Variants in ARHGAP25 observed in about 807,000 individuals in gnomAD.
ARHGAP25 encodes the protein Rho GTPase activating protein 25.
ARHGAP25 carries 34 observed loss-of-function variants against 71.0 expected under a neutral mutation model. The observed-to-expected ratio is 0.48, with a 90% CI of 0.36 to 0.64. ARHGAP25 has a LOEUF of 0.64. Among genes scored for constraint, ARHGAP25 ranks in the 30% least tolerant of loss-of-function variants. The pLI is 0.00. For missense variants in ARHGAP25, 706 were observed against 805.1 expected (o/e 0.88, Z 1.49); for synonymous variants, 282 against 296.5 (o/e 0.95, Z 0.50).
intron 1 of ARHGAP25, among the ~76,000 whole-genome samples, chr2:68,750,920 A>G (rs1350114888): frequency 1.3e-5 from 2 of 152,202 alleles, no homozygotes; most frequent in Non-Finnish European, 2.9e-5. Context: ...AGGAGGCACT[A>G]ATAATAGTTA....
At chr2:68,726,254 G>C (rs1314417643) in intron 2 of ARHGAP25, among the ~76,000 whole-genome samples, 1 of 152,216 alleles carries the variant, frequency 6.6e-6, no homozygotes, top group African/African-American at 2.4e-5. Context: ...GAATGAATGA[G>C]TGGCAGGAGG....
At chr2:68,802,427 A>G (rs936831459) in intron 4 of ARHGAP25, among the ~76,000 whole-genome samples, 1 of 151,614 alleles carries the variant, frequency 6.6e-6, no homozygotes, top group African/African-American at 2.4e-5. Context: ...AAAAAAAAAA[A>G]AAGAATGTGC....
chr2:68,728,756 GTAAA>G (rs1041791639), intron 2 of ARHGAP25, among the ~76,000 whole-genome samples: 20 of 151,870 alleles, frequency 1.3e-4, no homozygotes, highest in African/African-American at 3.6e-4. Flanking sequence ...GTAAACATAA[GTAAA>G]TAAATAAATA....
intron 5 of ARHGAP25, among the ~76,000 whole-genome samples, chr2:68,809,642 TTTTCTG>T (rs1451643735): frequency 2.0e-5 from 3 of 151,952 alleles, no homozygotes; most frequent in African/African-American, 7.3e-5. Flanking sequence ...GGTTGTAGCT[TTTTCTG>T]CCTCCTATAA....
chr2:68,742,923 T>C (rs1271242647), intron 1 of ARHGAP25, among the ~76,000 whole-genome samples: 1 of 152,236 alleles, frequency 6.6e-6, no homozygotes, highest in Admixed American at 6.5e-5. Flanking sequence ...ATGAATTGTG[T>C]CAATTTTGTC....
chr2:68,799,672 T>G (rs1286925430), intron 4 of ARHGAP25, among the ~76,000 whole-genome samples: 1 of 152,180 alleles, frequency 6.6e-6, no homozygotes, highest in Non-Finnish European at 1.5e-5. Context: ...TTGCGGTCCT[T>G]GACAGCTTTA....
chr2:68,817,386 A>T (rs997724941), intron 7 of ARHGAP25, among the ~76,000 whole-genome samples: 2 of 152,198 alleles, frequency 1.3e-5, no homozygotes, highest in Non-Finnish European at 2.9e-5. Flanking sequence ...GTTATGGAGA[A>T]CCTGCTGAGA....
chr2:68,807,715 C>T (rs3749128), intron 5 of ARHGAP25, among the ~76,000 whole-genome samples: 44,470 of 151,964 alleles, frequency 0.29, 6,906 homozygotes, highest in East Asian at 0.45. Flanking sequence ...GAACTGGAAC[C>T]CTGCTGGGCA....
At chr2:68,783,846 C>G (rs1035302207) in intron 3 of ARHGAP25, among the ~76,000 whole-genome samples, 9 of 152,120 alleles carry the variant, frequency 5.9e-5, no homozygotes, top group African/African-American at 1.9e-4. Flanking sequence ...TCAGTCTCTC[C>G]TCACTAGAAA....
chr2:68,790,791 A>T (rs894558563), intron 4 of ARHGAP25, among the ~76,000 whole-genome samples: 1 of 152,170 alleles, frequency 6.6e-6, no homozygotes, highest in African/African-American at 2.4e-5. Flanking sequence ...GAGCCTGTTA[A>T]ACCTGTCTTA....
chr2:68,808,030 C>T (rs983919754), intron 5 of ARHGAP25, among the ~76,000 whole-genome samples: 1 of 152,212 alleles, frequency 6.6e-6, no homozygotes, highest in African/African-American at 2.4e-5. Context: ...GGCCGCCTGG[C>T]ATTCCTAAGT....
chr2:68,760,369 A>ATTCTTT, intron 1 of ARHGAP25, among the ~76,000 whole-genome samples: 2 of 152,056 alleles, frequency 1.3e-5, no homozygotes, highest in Admixed American at 6.6e-5. Flanking sequence ...AATAAAAAGC[A>ATTCTTT]TCCACATTAG....
chr2:68,779,696 C>T (rs539720159), intron 2 of ARHGAP25, among the ~76,000 whole-genome samples: 1 of 152,334 alleles, frequency 6.6e-6, no homozygotes, highest in South Asian at 2.1e-4. Context: ...CCTGCATAAA[C>T]ATTTCTGTCC....
intron 1 of ARHGAP25, among the ~76,000 whole-genome samples, chr2:68,749,663 G>A (rs1490198623): frequency 1.3e-5 from 2 of 152,208 alleles, no homozygotes; most frequent in African/African-American, 4.8e-5. Flanking sequence ...CCTGCACTAA[G>A]TTAGTGGTTA....
chr2:68,824,613 G>T (rs548360947), intron 10 of ARHGAP25, among the ~76,000 whole-genome samples: 1 of 152,264 alleles, frequency 6.6e-6, no homozygotes, highest in East Asian at 1.9e-4. Context: ...ATGATGGTGG[G>T]TGCCTGTAGT....
At chr2:68,766,929 G>C (rs1409523677) in intron 1 of ARHGAP25, among the ~76,000 whole-genome samples, 1 of 152,176 alleles carries the variant, frequency 6.6e-6, no homozygotes, top group East Asian at 1.9e-4. Context: ...TTCCAAAGCA[G>C]ATTCTTTTCC....
intron 9 of ARHGAP25, among the ~76,000 whole-genome samples, chr2:68,821,539 T>C (rs377270182): frequency 7.2e-5 from 11 of 152,202 alleles, no homozygotes; most frequent in African/African-American, 2.2e-4. Flanking sequence ...GATTGTATGA[T>C]TTTGAGACAA....
In ARHGAP25 at chr2:68,816,243, GGCT is replaced by G. The variant is rs1484852128; in HGVS notation, c.808-45_808-43del. On this transcript the variant is annotated intron_variant, in intron 6 of 10. Transcript: ENST00000409202. ...GGGTCTCCTTGCTGGCACATGGGCAGGCTCATTTACTGGTAAATGATTTACTTG... is the reference window on the plus strand; with the variant it reads ...GGGTCTCCTTGCTGGCACATGGGCAGCATTTACTGGTAAATGATTTACTTG... 24 of 1,507,328 alleles carry G rather than the reference GGCT, an allele frequency of 1.6e-5. No individual in the cohort carries two copies. In the Admixed American group the frequency reaches 4.0e-4, roughly 25 times the overall value. The allele number at this position is 1,507,328 out of a possible 1,614,324, so 93.4% of individuals were successfully genotyped here.
At chr2:68,746,431 G>A (rs529171315) in intron 1 of ARHGAP25, among the ~76,000 whole-genome samples, 38 of 152,258 alleles carry the variant, frequency 2.5e-4, no homozygotes, top group Middle Eastern at 3.4e-3. Flanking sequence ...CTGGTCAAGC[G>A]GACATGCCCA....
Sources: gnomAD v4.1 joint callset for allele counts (sites outside exome capture counted in the v4.1 genomes callset) on GRCh38, gnomAD v4.1.1 for gene constraint, MANE v1.5 for transcripts, NCBI Gene and HGNC (gene_info 2026-07-23, HGNC 2026-07-21) for gene names.